The following SAXO1 variants were observed in gnomAD, a reference collection of about 807,000 sequenced individuals.
SAXO1 encodes the protein 4930500O09Rik.
In SAXO1, 21 loss-of-function variants were observed where a neutral mutation model predicts 17.5. That is an observed-to-expected ratio of 1.20 (90% confidence interval 0.85 to 1.72). The LOEUF is 1.72. SAXO1 is among the 40% of genes most tolerant of loss of function. The pLI, the probability that SAXO1 is intolerant of heterozygous loss-of-function variation, is 0.00. For missense variants in SAXO1, 843 were observed against 596.0 expected (o/e 1.41, Z -4.32); for synonymous variants, 274 against 216.5 (o/e 1.27, Z -2.33).
At chr9:18,968,399 T>G (rs1394912203) in intron 1 of SAXO1, among the ~76,000 whole-genome samples, 1 of 152,216 alleles carries the variant, frequency 6.6e-6, no homozygotes, top group African/African-American at 2.4e-5. Context: ...TGGAGAGATG[T>G]GTCAATGTTA....
intron 1 of SAXO1, among the ~76,000 whole-genome samples, chr9:18,985,121 G>C (rs144728631): frequency 6.6e-6 from 1 of 152,004 alleles, no homozygotes; most frequent in African/African-American, 2.4e-5. Context: ...GGAGGCCCAA[G>C]GAGAAGGAGA....
At chr9:19,015,023 C>T (rs534989097) in intron 1 of SAXO1, among the ~76,000 whole-genome samples, 3 of 152,200 alleles carry the variant, frequency 2.0e-5, no homozygotes, top group South Asian at 2.1e-4. Context: ...AGCTAAAAAA[C>T]GAGAGAGAGT....
intron 1 of SAXO1, among the ~76,000 whole-genome samples, chr9:19,044,726 G>A (rs557556971): frequency 1.4e-3 from 220 of 152,040 alleles, no homozygotes; most frequent in African/African-American, 4.9e-3. Context: ...AGCTGGGTGT[G>A]GTGGCGGGCG....
At chr9:19,029,919 ATG>A (rs1328824377) in intron 1 of SAXO1, among the ~76,000 whole-genome samples, 5 of 152,244 alleles carry the variant, frequency 3.3e-5, no homozygotes, top group Admixed American at 2.6e-4. Flanking sequence ...TCAAAAAGAT[ATG>A]TGTTAGCTGT....
intron 1 of SAXO1, among the ~76,000 whole-genome samples, chr9:19,020,235 T>C (rs1429362460): frequency 6.6e-6 from 1 of 152,076 alleles, no homozygotes; most frequent in Non-Finnish European, 1.5e-5. Flanking sequence ...ATAAACCACC[T>C]CCATTATGAC....
chr9:18,959,355 A>G (rs1832387268), intron 1 of SAXO1, among the ~76,000 whole-genome samples: 1 of 152,200 alleles, frequency 6.6e-6, no homozygotes, highest in Non-Finnish European at 1.5e-5. Flanking sequence ...AGAAGGCATG[A>G]TTAAAGAGGG....
chr9:18,957,629 C>G (rs1395464373), intron 1 of SAXO1, among the ~76,000 whole-genome samples: 1 of 152,140 alleles, frequency 6.6e-6, no homozygotes, highest in African/African-American at 2.4e-5. Flanking sequence ...GGGGAAGCTG[C>G]CCAGGATCGC....
chr9:19,027,641 G>T (rs1180642821), intron 1 of SAXO1: 2 of 1,408,404 alleles, frequency 1.4e-6, no homozygotes, highest in African/African-American at 2.8e-5. Flanking sequence ...GCTAGTCCGG[G>T]ATGCCTTCGC....
Position 18,927,843 on chromosome 9 carries a change from G to T in SAXO1, c.*209C>A. Reference sequence around the variant, plus strand: ...AACGGGGTGGGGATGCAGTAAAGGAGAAGGTAAGGGGAGTTAATTAGCCGG... The same window carrying T: ...AACGGGGTGGGGATGCAGTAAAGGATAAGGTAAGGGGAGTTAATTAGCCGG... On this transcript the variant is annotated 3_prime_UTR_variant, in exon 4 of 4. Coordinates refer to ENST00000380534, the MANE Select transcript of SAXO1 (RefSeq NM_153707.4). 1 of 518,762 alleles carries T rather than the reference G, an allele frequency of 1.9e-6. No individual in the cohort carries two copies. The highest frequency in any genetic ancestry group is 3.3e-6 in the Non-Finnish European group (1 of 304,338). The allele number at this position is 518,762 out of a possible 1,614,324, so 32.1% of individuals were successfully genotyped here.
intron 1 of SAXO1, among the ~76,000 whole-genome samples, chr9:18,998,803 A>G (rs1389710791): frequency 1.3e-5 from 2 of 152,238 alleles, no homozygotes; most frequent in African/African-American, 2.4e-5. Context: ...AGGGGCCATT[A>G]TTCAACATTC....
Position 18,928,003 on chromosome 9 carries a change from G to A in SAXO1, c.*49C>T, listed in dbSNP as rs759211880. The A allele has an allele frequency of 4.8e-6, 7 of 1,453,730 alleles. No homozygotes were observed. In the Admixed American group the frequency reaches 7.0e-5, roughly 15 times the overall value. 90.1% of individuals were successfully genotyped at this position (1,453,730 alleles called of 1,614,324 possible). ...TTTGTCCAACAAATAATTCTCAGTT[G>A]TCTGCTTTTAAAAGTACTGTGTAAT... is the stretch of plus-strand genomic sequence containing the variant. On this transcript the variant is annotated 3_prime_UTR_variant, in exon 4 of 4. Transcript: ENST00000380534.
At chr9:18,951,839 T>C (rs1445997795) in intron 1 of SAXO1, among the ~76,000 whole-genome samples, 1 of 152,234 alleles carries the variant, frequency 6.6e-6, no homozygotes, top group African/African-American at 2.4e-5. Context: ...TCGTACATGA[T>C]GTACATCTCT....
intron 1 of SAXO1, among the ~76,000 whole-genome samples, chr9:19,010,604 C>A (rs1834689880): frequency 1.3e-5 from 2 of 152,058 alleles, no homozygotes; most frequent in Non-Finnish European, 1.5e-5. Context: ...TGGTAAAGGC[C>A]CTTCTGTACT....
intron 1 of SAXO1, among the ~76,000 whole-genome samples, chr9:18,990,046 A>T (rs1018031099): frequency 3.9e-5 from 6 of 152,196 alleles, no homozygotes; most frequent in African/African-American, 1.2e-4. Flanking sequence ...AAGGAGAGAG[A>T]ACAGATGTTC....
intron 1 of SAXO1, among the ~76,000 whole-genome samples, chr9:19,045,403 C>T (rs1453763323): frequency 1.3e-5 from 2 of 149,720 alleles, no homozygotes; most frequent in Admixed American, 6.6e-5. Flanking sequence ...GGCAATTGTC[C>T]GTCTCTCATC....
intron 1 of SAXO1, among the ~76,000 whole-genome samples, chr9:19,003,955 C>T (rs1484246420): frequency 6.6e-6 from 1 of 152,066 alleles, no homozygotes; most frequent in Non-Finnish European, 1.5e-5. Context: ...CAGTTGGCAA[C>T]CCACAGAATG....
At chr9:18,958,756 T>C (rs1205424240) in intron 1 of SAXO1, among the ~76,000 whole-genome samples, 3 of 152,106 alleles carry the variant, frequency 2.0e-5, no homozygotes, top group African/African-American at 7.2e-5. Flanking sequence ...AAGAGAATTC[T>C]GAAGGAAATG....
At chr9:19,024,185 G>A (rs1191101587) in intron 1 of SAXO1, among the ~76,000 whole-genome samples, 3 of 151,748 alleles carry the variant, frequency 2.0e-5, no homozygotes, top group African/African-American at 7.3e-5. Flanking sequence ...TCTCCTGCAG[G>A]CTCAAGTACT....
chr9:19,007,119 C>A (rs894764534), intron 1 of SAXO1, among the ~76,000 whole-genome samples: 7 of 151,370 alleles, frequency 4.6e-5, no homozygotes, highest in African/African-American at 1.2e-4. Context: ...GAGGCCGAGG[C>A]GGGTGGATCA....
Sources: gnomAD v4.1 joint callset for allele counts (sites outside exome capture counted in the v4.1 genomes callset) on GRCh38, gnomAD v4.1.1 for gene constraint, MANE v1.5 for transcripts, NCBI Gene and HGNC (gene_info 2026-07-23, HGNC 2026-07-21) for gene names.